Variants in BMERB1 observed in about 807,000 individuals in gnomAD.
The protein encoded by BMERB1 is bMERB domain containing 1, also known as bMERB domain-containing protein 1.
In BMERB1, 12 loss-of-function variants were observed where a neutral mutation model predicts 23.6. That is an observed-to-expected ratio of 0.51 (90% CI 0.33 to 0.82). BMERB1 has a LOEUF of 0.82. BMERB1 is among the 40% of genes least tolerant of loss of function. BMERB1 has a pLI of 0.03. For synonymous variants in BMERB1, 122 were observed against 96.6 expected (o/e 1.26, Z -1.54); for missense variants, 247 against 255.4 (o/e 0.97, Z 0.22).
intron 5 of BMERB1, among the ~76,000 whole-genome samples, chr16:15,584,414 C>T (rs534812034): frequency 7.2e-5 from 11 of 151,972 alleles, no homozygotes; most frequent in Admixed American, 1.3e-4. Context: ...AAAAATTAGC[C>T]GGGCTTGGTG....
Position 15,464,166 on chromosome 16 carries a change from A to G in BMERB1, c.106+29407A>G, listed in dbSNP as rs529937640. On this transcript the variant is annotated intron_variant, in intron 1 of 5. Transcript: ENST00000300006. ...CATCTCTACTAAAAATACAAAAATT[A>G]GCCAGGTGTGGTGGTGGGCGACTGT... Among the ~76,000 whole-genome samples, 25 of 152,200 alleles carry G rather than the reference A, an allele frequency of 1.6e-4. 1 individual carries two copies. The South Asian group carries it at 5.2e-3, about 32-fold the overall frequency.
chr16:15,548,974 G>A (rs946175816), intron 2 of BMERB1, among the ~76,000 whole-genome samples: 3 of 152,074 alleles, frequency 2.0e-5, no homozygotes, highest in African/African-American at 7.2e-5. Flanking sequence ...GAGGGCAGGG[G>A]AGGCTTCCCC....
At chr16:15,508,627 C>G (rs1376868140) in intron 1 of BMERB1, among the ~76,000 whole-genome samples, 2 of 151,822 alleles carry the variant, frequency 1.3e-5, no homozygotes, top group Non-Finnish European at 2.9e-5. Flanking sequence ...GTTGGGAGAC[C>G]AGCCTGGGCA....
chr16:15,558,857 C>T lies in BMERB1; in HGVS notation c.231-9126C>T, dbSNP rs560983419. 1.5e-3 allele frequency among the ~76,000 whole-genome samples: 222 copies of T among 151,480 alleles called. 1 individual carries two copies. Among genetic ancestry groups the T allele is most frequent in the Admixed American group, 2.6e-3 (40 of 15,176 alleles). On this transcript the variant is annotated intron_variant, in intron 2 of 5. Coordinates refer to ENST00000300006, the MANE Select transcript of BMERB1 (RefSeq NM_033201.3). ...TTAGCGTTCGGTTTCGCCATTCTCACGTGAGTGGCTGTAGGAGCTTAGGAC... is the reference window on the plus strand; with the variant it reads ...TTAGCGTTCGGTTTCGCCATTCTCATGTGAGTGGCTGTAGGAGCTTAGGAC...
chr16:15,582,780 G>A (rs1225757066), intron 4 of BMERB1, among the ~76,000 whole-genome samples: 1 of 152,144 alleles, frequency 6.6e-6, no homozygotes. Context: ...GGAAGAGCTG[G>A]GGTGACTCGC....
rs569591131 is a variant in BMERB1 at position 15,500,628 on chromosome 16, G to A, written c.107-14677G>A. ...TGGGACTTGGGAGCACTTGAAATGT[G>A]GCCATTCCAAATTGAGATCTGTTCT... is the stretch of plus-strand genomic sequence containing the variant. On this transcript the variant is annotated intron_variant, in intron 1 of 5. Transcript: ENST00000300006. Among the ~76,000 whole-genome samples the A allele has an allele frequency of 4.1e-4, 62 of 152,294 alleles. 1 individual carries two copies. The South Asian group carries it at 0.013, about 32-fold the overall frequency.
At chr16:15,497,407 G>T (rs914848835) in intron 1 of BMERB1, among the ~76,000 whole-genome samples, 1 of 152,122 alleles carries the variant, frequency 6.6e-6, no homozygotes, top group South Asian at 2.1e-4. Flanking sequence ...TTATTTGAGA[G>T]GCAAGGAATT....
At chr16:15,455,495 C>G (rs1567452950) in intron 1 of BMERB1, among the ~76,000 whole-genome samples, 1 of 151,844 alleles carries the variant, frequency 6.6e-6, no homozygotes, top group Non-Finnish European at 1.5e-5. Context: ...GAGTCTCGCT[C>G]TGTTGCCCAG....
intron 1 of BMERB1, among the ~76,000 whole-genome samples, chr16:15,497,959 G>C (rs954318655): frequency 6.6e-6 from 1 of 152,166 alleles, no homozygotes; most frequent in African/African-American, 2.4e-5. Flanking sequence ...TTTAATGTGA[G>C]TGATAATAGC....
In BMERB1 at chr16:15,473,898, T is replaced by C. The variant is rs184755014; in HGVS notation, c.106+39139T>C. Among the ~76,000 whole-genome samples, 430 of 152,040 alleles carry C rather than the reference T, an allele frequency of 2.8e-3. 1 individual carries two copies. The highest frequency in any genetic ancestry group is 8.1e-3 in the African/African-American group (336 of 41,510). On this transcript the variant is annotated intron_variant, in intron 1 of 5. Coordinates refer to ENST00000300006, the MANE Select transcript of BMERB1 (RefSeq NM_033201.3). ...ACTTTGGGAGGCCGAGGCAGGCGGATCATGAGGTCAGGAGATCGAGACCAT... is the reference window on the plus strand; with the variant it reads ...ACTTTGGGAGGCCGAGGCAGGCGGACCATGAGGTCAGGAGATCGAGACCAT...
chr16:15,553,141 G>A (rs2030144337), intron 2 of BMERB1, among the ~76,000 whole-genome samples: 1 of 152,172 alleles, frequency 6.6e-6, no homozygotes, highest in Non-Finnish European at 1.5e-5. Context: ...CCGAGTAACT[G>A]GGATCACAGG....
At chr16:15,568,587 G>A (rs1021982854) in intron 3 of BMERB1, among the ~76,000 whole-genome samples, 5 of 152,090 alleles carry the variant, frequency 3.3e-5, no homozygotes, top group African/African-American at 1.2e-4. Context: ...GCAGTGAGCT[G>A]AGATTGTGCC....
intron 1 of BMERB1, among the ~76,000 whole-genome samples, chr16:15,477,175 G>A (rs1307337731): frequency 6.6e-6 from 1 of 152,086 alleles, no homozygotes; most frequent in Admixed American, 6.6e-5. Context: ...CATGTCTGGG[G>A]AGGCCTCAGG....
intron 5 of BMERB1, among the ~76,000 whole-genome samples, chr16:15,583,577 CAAA>C (rs35021259): frequency 6.5e-5 from 4 of 61,860 alleles, no homozygotes; most frequent in Non-Finnish European, 1.0e-4. Context: ...GACTTTGTCT[CAAA>C]AAAAAAAAAA....
intron 1 of BMERB1, among the ~76,000 whole-genome samples, chr16:15,447,280 G>T (rs1223355125): frequency 6.6e-6 from 1 of 152,182 alleles, no homozygotes; most frequent in African/African-American, 2.4e-5. Context: ...ATGGCGGAAG[G>T]CACAGGAGAA....
intron 2 of BMERB1, among the ~76,000 whole-genome samples, chr16:15,565,112 A>C (rs1214428863): frequency 1.3e-5 from 2 of 151,972 alleles, no homozygotes; most frequent in African/African-American, 4.8e-5. Flanking sequence ...CAGGGGACTA[A>C]GATAGGGCCC....
chr16:15,452,584 A>G (rs1483383152), intron 1 of BMERB1, among the ~76,000 whole-genome samples: 2 of 152,090 alleles, frequency 1.3e-5, no homozygotes, highest in Non-Finnish European at 2.9e-5. Context: ...AAATCATCCC[A>G]TCTCCTGTGT....
At chr16:15,509,268 C>T (rs2051629343) in intron 1 of BMERB1, among the ~76,000 whole-genome samples, 1 of 142,246 alleles carries the variant, frequency 7.0e-6, no homozygotes, top group Non-Finnish European at 1.5e-5. Flanking sequence ...GGCACAAATG[C>T]ATTCAGCCCT....
At chr16:15,454,605 C>A (rs2051068232) in intron 1 of BMERB1, among the ~76,000 whole-genome samples, 1 of 152,068 alleles carries the variant, frequency 6.6e-6, no homozygotes, top group Non-Finnish European at 1.5e-5. Flanking sequence ...CCAGCCTGGC[C>A]AACATGGTGA....
Sources: allele counts gnomAD v4.1 joint callset (sites outside exome capture counted in the v4.1 genomes callset), GRCh38; gene constraint gnomAD v4.1.1; transcripts MANE v1.5; gene names NCBI Gene and HGNC (gene_info 2026-07-23, HGNC 2026-07-21).